C7orf78: variants seen among roughly 807,000 people sequenced by gnomAD.
C7orf78 encodes chromosome 7 open reading frame 78, also known as putative uncharacterized protein C7orf78.
the C7orf78 span, chr7:12,540,955 A>G: frequency 1.3e-5 from 2 of 152,272 alleles, no homozygotes; most frequent in African/African-American, 4.8e-5. Flanking sequence ...GGGCTTCCTG[A>G]ACTCTGGCCT....
chr7:12,493,228 T>A, the C7orf78 span, among the ~76,000 whole-genome samples: 1 of 152,160 alleles, frequency 6.6e-6, no homozygotes, highest in South Asian at 2.1e-4. Flanking sequence ...AAAATCCTTA[T>A]TGGCTTTTGA....
At chr7:12,527,858 C>G in the C7orf78 span, among the ~76,000 whole-genome samples, 1 of 146,956 alleles carries the variant, frequency 6.8e-6, no homozygotes, top group Non-Finnish European at 1.5e-5. Flanking sequence ...AAAATGCCAT[C>G]TAGCTGTGTA....
the C7orf78 span, among the ~76,000 whole-genome samples, chr7:12,529,832 A>G: frequency 6.6e-6 from 1 of 152,224 alleles, no homozygotes; most frequent in Non-Finnish European, 1.5e-5. Context: ...TATTGAGTAC[A>G]GCAGCAGAGG....
At chr7:12,494,495 C>T in the C7orf78 span, among the ~76,000 whole-genome samples, 1 of 152,150 alleles carries the variant, frequency 6.6e-6, no homozygotes, top group African/African-American at 2.4e-5. Context: ...AATTAACAAG[C>T]AAGCTCTGAA....
At chr7:12,519,692 C>T in the C7orf78 span, among the ~76,000 whole-genome samples, 1 of 152,180 alleles carries the variant, frequency 6.6e-6, no homozygotes, top group Non-Finnish European at 1.5e-5. Flanking sequence ...TGGCCACCTC[C>T]TTGGTGTGCT....
chr7:12,501,555 C>T, the C7orf78 span, among the ~76,000 whole-genome samples: 6 of 143,210 alleles, frequency 4.2e-5, no homozygotes, highest in African/African-American at 1.3e-4. Context: ...AGGAGAACTA[C>T]AAACCACTGC....
chr7:12,538,526 G>A, the C7orf78 span: 1 of 152,148 alleles, frequency 6.6e-6, no homozygotes, highest in African/African-American at 2.4e-5. Flanking sequence ...GACTACTTAT[G>A]GAGGACATTT....
the C7orf78 span, among the ~76,000 whole-genome samples, chr7:12,515,887 C>T: frequency 2.0e-5 from 3 of 152,062 alleles, no homozygotes; most frequent in South Asian, 4.1e-4. Flanking sequence ...GATGTGACTT[C>T]GATGCTGTTA....
At chr7:12,534,065 G>A in the C7orf78 span, among the ~76,000 whole-genome samples, 1 of 152,116 alleles carries the variant, frequency 6.6e-6, no homozygotes, top group African/African-American at 2.4e-5. Flanking sequence ...AGATCCCTAT[G>A]AAGGTTCAAA....
the C7orf78 span, among the ~76,000 whole-genome samples, chr7:12,505,352 A>G: frequency 3.3e-5 from 5 of 152,142 alleles, no homozygotes; most frequent in Non-Finnish European, 7.4e-5. Flanking sequence ...TTGTAGAGAT[A>G]GAAATCCTTG....
At chr7:12,528,133 G>C in the C7orf78 span, among the ~76,000 whole-genome samples, 10 of 147,094 alleles carry the variant, frequency 6.8e-5, no homozygotes, top group South Asian at 2.3e-4. Context: ...AGCTTTCCTA[G>C]TATATGCTAT....
At chr7:12,489,384 C>T in the C7orf78 span, among the ~76,000 whole-genome samples, 13 of 152,008 alleles carry the variant, frequency 8.6e-5, no homozygotes, top group African/African-American at 2.4e-4. Flanking sequence ...TTTTGAAAAA[C>T]GGAAAACTGA....
chr7:12,497,473 C>A, the C7orf78 span, among the ~76,000 whole-genome samples: 1 of 52,150 alleles, frequency 1.9e-5, no homozygotes, highest in African/African-American at 5.9e-5. Context: ...CGGACGGCAC[C>A]TGGAGAATCG....
At chr7:12,524,791 C>T in the C7orf78 span, among the ~76,000 whole-genome samples, 9 of 149,738 alleles carry the variant, frequency 6.0e-5, no homozygotes, top group African/African-American at 2.2e-4. Flanking sequence ...TGCAGTGAGC[C>T]GAGATCTCAC....
At chr7:12,522,976 T>G in the C7orf78 span, 1 of 398,142 alleles carries the variant, frequency 2.5e-6, no homozygotes, top group African/African-American at 2.1e-5. Flanking sequence ...TGCAGATTCC[T>G]CCATGTGAAA....
chr7:12,507,469 CT>C, the C7orf78 span: 1 of 205,958 alleles, frequency 4.9e-6, no homozygotes, highest in Non-Finnish European at 1.1e-5. Context: ...CTGATGGATT[CT>C]ACATTAGATA....
the C7orf78 span, among the ~76,000 whole-genome samples, chr7:12,540,589 A>T: frequency 2.6e-5 from 4 of 152,330 alleles, no homozygotes; most frequent in South Asian, 8.3e-4. Context: ...CTTATTCAAG[A>T]TGGCACTCCA....
At chr7:12,496,894 G>C in the C7orf78 span, among the ~76,000 whole-genome samples, 22 of 152,130 alleles carry the variant, frequency 1.4e-4, no homozygotes, top group Middle Eastern at 3.4e-3. Context: ...GTTTTCATTA[G>C]AAATAAAAAC....
the C7orf78 span, chr7:12,530,547 A>G: frequency 2.6e-5 from 4 of 152,182 alleles, no homozygotes; most frequent in Admixed American, 2.0e-4. Context: ...ATAATGATCC[A>G]TGTCCCACCT....
Sources: gnomAD v4.1 joint callset for allele counts (sites outside exome capture counted in the v4.1 genomes callset) on GRCh38, gnomAD v4.1.1 for gene constraint, MANE v1.5 for transcripts, NCBI Gene and HGNC (gene_info 2026-07-23, HGNC 2026-07-21) for gene names.